The following OLA1 variants were observed in gnomAD, a reference collection of about 807,000 sequenced individuals.
The protein encoded by OLA1 is obg-like ATPase 1.
In OLA1, 14 loss-of-function variants were observed where a neutral mutation model predicts 48.4. The observed-to-expected ratio is 0.29, with a 90% CI of 0.19 to 0.45. The LOEUF (loss-of-function observed/expected upper bound fraction) is 0.45, where lower values mean the gene tolerates loss of function less well. Among genes scored for constraint, OLA1 ranks in the 20% least tolerant of loss-of-function variants. The probability of loss-of-function intolerance (pLI) is 1.00; values close to 1 mark genes in which losing one functional copy is unlikely to be tolerated. For synonymous variants in OLA1, 127 were observed against 150.4 expected (o/e 0.84, Z 1.14); for missense variants, 325 against 467.1 (o/e 0.70, Z 2.80).
intron 7 of OLA1, 60 bp from the exon 8 acceptor site, chr2:174,082,124 A>G: frequency 6.4e-7 from 1 of 1,557,288 alleles, no homozygotes; most frequent in East Asian, 2.2e-5. Context: ...TACCACATTC[A>G]TTATTATCAA....
chr2:174,205,016 G>C (rs1376945039), intron 4 of OLA1, among the ~76,000 whole-genome samples: 1 of 152,098 alleles, frequency 6.6e-6, no homozygotes, highest in Non-Finnish European at 1.5e-5. Flanking sequence ...AGCACCATAA[G>C]TATATAAACA....
At chr2:174,158,411 G>C (rs529168951) in intron 4 of OLA1, among the ~76,000 whole-genome samples, 13 of 151,650 alleles carry the variant, frequency 8.6e-5, no homozygotes, top group African/African-American at 3.1e-4. Flanking sequence ...GCGACAGACA[G>C]TACAACCGGG....
intron 7 of OLA1, among the ~76,000 whole-genome samples, chr2:174,119,970 C>T (rs1685877279): frequency 6.6e-6 from 1 of 151,936 alleles, no homozygotes; most frequent in South Asian, 2.1e-4. Context: ...CACACACACA[C>T]ACACACACAG....
intron 4 of OLA1, among the ~76,000 whole-genome samples, chr2:174,148,231 A>G (rs145829950): frequency 5.5e-4 from 83 of 152,278 alleles, no homozygotes; most frequent in African/African-American, 1.9e-3. Context: ...TAATAAAAAT[A>G]TAAATAATTA....
chr2:174,211,186 C>CACACACAT (rs1688234466), intron 4 of OLA1, among the ~76,000 whole-genome samples: 1 of 145,776 alleles, frequency 6.9e-6, no homozygotes, highest in Non-Finnish European at 1.5e-5. Flanking sequence ...CCACAACACA[C>CACACACAT]ACACACACAC....
intron 4 of OLA1, among the ~76,000 whole-genome samples, chr2:174,143,502 G>A (rs1175073827): frequency 1.3e-5 from 2 of 152,146 alleles, no homozygotes; most frequent in Non-Finnish European, 2.9e-5. Flanking sequence ...TTACAGGAGT[G>A]ACTAAGCTTT....
chr2:174,082,717 C>A (rs972076387), intron 7 of OLA1, among the ~76,000 whole-genome samples: 3 of 152,082 alleles, frequency 2.0e-5, no homozygotes, highest in Non-Finnish European at 4.4e-5. Flanking sequence ...AAAGAAATTC[C>A]TTTAATCACA....
At chr2:174,143,804 C>A (rs893942586) in intron 4 of OLA1, among the ~76,000 whole-genome samples, 8 of 152,034 alleles carry the variant, frequency 5.3e-5, no homozygotes, top group Non-Finnish European at 1.2e-4. Context: ...TATCTTGCAA[C>A]CTTCAAATTA....
intron 4 of OLA1, among the ~76,000 whole-genome samples, chr2:174,178,363 T>G (rs921805615): frequency 6.6e-5 from 10 of 152,064 alleles, no homozygotes; most frequent in African/African-American, 2.4e-4. Context: ...ACAAATAAAC[T>G]AAATCAAAAT....
chr2:174,212,977 C>A (rs756015787), intron 4 of OLA1, among the ~76,000 whole-genome samples: 11 of 152,132 alleles, frequency 7.2e-5, no homozygotes, highest in Non-Finnish European at 1.6e-4. Context: ...AGTATAGTGA[C>A]TGAAATTCAC....
At chr2:174,134,448 C>A (rs1686254143) in intron 5 of OLA1, among the ~76,000 whole-genome samples, 1 of 152,128 alleles carries the variant, frequency 6.6e-6, no homozygotes, top group Non-Finnish European at 1.5e-5. Flanking sequence ...TAAGAACATT[C>A]TTCTAGTTAT....
intron 5 of OLA1, among the ~76,000 whole-genome samples, chr2:174,137,054 A>G (rs1416907264): frequency 6.6e-6 from 1 of 152,138 alleles, no homozygotes; most frequent in Non-Finnish European, 1.5e-5. Context: ...ATAAATCACT[A>G]CCTATGATAG....
intron 7 of OLA1, among the ~76,000 whole-genome samples, chr2:174,105,688 C>T (rs912201058): frequency 6.6e-6 from 1 of 151,978 alleles, no homozygotes; most frequent in African/African-American, 2.4e-5. Flanking sequence ...AATCTGTTTG[C>T]TGATAAGTTT....
At chr2:174,095,078 C>T (rs959511113) in intron 7 of OLA1, among the ~76,000 whole-genome samples, 16 of 152,126 alleles carry the variant, frequency 1.1e-4, no homozygotes, top group African/African-American at 1.4e-4. Context: ...TTGCTTCTAT[C>T]GCTAGCTGTT....
At chr2:174,239,820 G>C (rs1357822669) in intron 2 of OLA1, among the ~76,000 whole-genome samples, 2 of 151,718 alleles carry the variant, frequency 1.3e-5, no homozygotes, top group Non-Finnish European at 1.5e-5. Context: ...CTTGAGCCCA[G>C]GAATTTGAGG....
chr2:174,081,350 A>AGGCCGGGCGCGGTGGCTCACGCCT, intron 8 of OLA1, 102 bp from the exon 9 acceptor site: 1 of 786,362 alleles, frequency 1.3e-6, no homozygotes, highest in Non-Finnish European at 2.1e-6. Context: ...TGTTAAAGAT[A>AGGCCGGGCGCGGTGGCTCACGCCT]GTAGTAAATG....
intron 4 of OLA1, among the ~76,000 whole-genome samples, chr2:174,175,603 T>C (rs1687402707): frequency 6.6e-6 from 1 of 152,030 alleles, no homozygotes. Context: ...GAACTGGAAC[T>C]CATATTGCTG....
chr2:174,152,779 G>C (rs1455177751), intron 4 of OLA1, among the ~76,000 whole-genome samples: 1 of 152,144 alleles, frequency 6.6e-6, no homozygotes, highest in Non-Finnish European at 1.5e-5. Flanking sequence ...TTTACAATAA[G>C]ATATCAATCA....
At chr2:174,211,180 AACAC>A (rs10563036) in intron 4 of OLA1, among the ~76,000 whole-genome samples, 111,498 of 148,762 alleles carry the variant, frequency 0.75, 41,876 homozygotes, top group East Asian at 0.94. Flanking sequence ...TCCTCCCCAC[AACAC>A]ACACACACAC....
Sources: allele counts gnomAD v4.1 joint callset (sites outside exome capture counted in the v4.1 genomes callset), GRCh38; gene constraint gnomAD v4.1.1; transcripts MANE v1.5; gene names NCBI Gene and HGNC (gene_info 2026-07-23, HGNC 2026-07-21).